GRIK4: variants seen among roughly 807,000 people sequenced by gnomAD.
The protein encoded by GRIK4 is glutamate ionotropic receptor kainate type subunit 4.
GRIK4 carries 40 observed loss-of-function variants against 104.9 expected under a neutral mutation model. The observed-to-expected ratio is 0.38, with a 90% CI of 0.30 to 0.50. The LOEUF (loss-of-function observed/expected upper bound fraction) is 0.50, where lower values mean the gene tolerates loss of function less well. Ranked by LOEUF, GRIK4 falls within the 20% of genes least tolerant of loss-of-function variation. The pLI is 0.93. For missense variants in GRIK4, 1,047 were observed against 1,308.1 expected, an observed-to-expected ratio of 0.80 and a Z score of 3.08; for synonymous variants, 485 against 524.9, an observed-to-expected ratio of 0.92 and a Z score of 1.04.
chr11:120,898,317 T>G (rs1942639471), intron 11 of GRIK4, among the ~76,000 whole-genome samples: 1 of 150,342 alleles, frequency 6.7e-6, no homozygotes, highest in Non-Finnish European at 1.5e-5. Flanking sequence ...CCCCCACATC[T>G]TTATTCCTTT....
At chr11:120,683,877 C>T (rs111790417) in intron 3 of GRIK4, among the ~76,000 whole-genome samples, 30 of 152,366 alleles carry the variant, frequency 2.0e-4, no homozygotes, top group African/African-American at 7.2e-4. Context: ...AAAGTCAGCA[C>T]AAGCTCTGGA....
chr11:120,676,133 C>G (rs115094206), intron 3 of GRIK4, among the ~76,000 whole-genome samples: 2,257 of 152,234 alleles, frequency 0.015, 66 homozygotes, highest in African/African-American at 0.051. Flanking sequence ...CTTCTAGAGG[C>G]CGCTGCATCC....
intron 3 of GRIK4, among the ~76,000 whole-genome samples, chr11:120,790,325 G>A (rs954410398): frequency 2.6e-5 from 4 of 152,172 alleles, no homozygotes; most frequent in Non-Finnish European, 5.9e-5. Context: ...GAAAGCAAAC[G>A]ATTAAGTACT....
At chr11:120,921,252 T>C (rs1427769292) in intron 13 of GRIK4, among the ~76,000 whole-genome samples, 2 of 152,216 alleles carry the variant, frequency 1.3e-5, no homozygotes, top group Non-Finnish European at 2.9e-5. Context: ...CACTAGAATG[T>C]AAGTTTCCTG....
chr11:120,685,073 A>G lies in GRIK4; in HGVS notation c.82+24673A>G, dbSNP rs115157272. Among the ~76,000 whole-genome samples, 707 of 152,312 alleles carry G rather than the reference A, an allele frequency of 4.6e-3. 8 individuals are homozygous for G. The highest frequency in any genetic ancestry group is 0.016 in the African/African-American group (666 of 41,570). On this transcript the variant is annotated intron_variant, in intron 3 of 20. Transcript: ENST00000527524. ...CTCTGAGTCAGTACTTCTGTGGAAG[A>G]TGACATTTAGATCTGCTGCCATCTG... is the stretch of plus-strand genomic sequence containing the variant.
intron 3 of GRIK4, among the ~76,000 whole-genome samples, chr11:120,764,923 G>C (rs373461716): frequency 6.6e-6 from 1 of 151,958 alleles, no homozygotes; most frequent in Non-Finnish European, 1.5e-5. Context: ...TAAATCTGAC[G>C]ATTATGTGTC....
At chr11:120,922,466 G>C (rs1388702175) in intron 13 of GRIK4, among the ~76,000 whole-genome samples, 2 of 152,146 alleles carry the variant, frequency 1.3e-5, no homozygotes, top group Non-Finnish European at 2.9e-5. Flanking sequence ...CCTGTGAATA[G>C]ATAGTCCTGC....
chr11:120,878,895 T>C (rs2135697770), intron 11 of GRIK4, among the ~76,000 whole-genome samples: 1 of 152,306 alleles, frequency 6.6e-6, no homozygotes, highest in Non-Finnish European at 1.5e-5. Flanking sequence ...TGCGCAAATA[T>C]TCTCCCAATT....
At chr11:120,810,062 C>A (rs1174940824) in intron 4 of GRIK4, among the ~76,000 whole-genome samples, 1 of 152,188 alleles carries the variant, frequency 6.6e-6, no homozygotes, top group Non-Finnish European at 1.5e-5. Flanking sequence ...GAGACACTGT[C>A]TCAAAACAAA....
chr11:120,711,002 A>AG (rs1168448375), intron 3 of GRIK4, among the ~76,000 whole-genome samples: 2 of 133,742 alleles, frequency 1.5e-5, no homozygotes, highest in African/African-American at 6.1e-5. Context: ...TGAGGTGGGG[A>AG]GGGGGTGTGA....
intron 1 of GRIK4, among the ~76,000 whole-genome samples, chr11:120,550,917 A>C (rs1299939967): frequency 6.6e-6 from 1 of 152,064 alleles, no homozygotes; most frequent in Non-Finnish European, 1.5e-5. Flanking sequence ...TGCAGGGCTG[A>C]GTGGGGTCTT....
chr11:120,763,525 T>C (rs559339945), intron 3 of GRIK4, among the ~76,000 whole-genome samples: 22 of 152,310 alleles, frequency 1.4e-4, no homozygotes, highest in Admixed American at 2.6e-4. Flanking sequence ...GTTCTTTTAA[T>C]TGTGATGTTA....
chr11:120,890,177 C>T (rs1217755548), intron 11 of GRIK4, among the ~76,000 whole-genome samples: 10 of 152,260 alleles, frequency 6.6e-5, no homozygotes, highest in South Asian at 2.1e-4. Flanking sequence ...AAGGCCATCA[C>T]GTACATTATC....
chr11:120,860,567 G>A (rs1413430557), intron 8 of GRIK4, among the ~76,000 whole-genome samples: 1 of 152,158 alleles, frequency 6.6e-6, no homozygotes, highest in Non-Finnish European at 1.5e-5. Flanking sequence ...CTCACCCCAA[G>A]TCCCATCCCC....
At chr11:120,700,710 G>C (rs901724792) in intron 3 of GRIK4, among the ~76,000 whole-genome samples, 122 of 152,154 alleles carry the variant, frequency 8.0e-4, no homozygotes, top group African/African-American at 2.8e-3. Flanking sequence ...GCCCACTTTG[G>C]CCTCCTAAAG....
At chr11:120,958,177 A>G (rs1220371766) in intron 16 of GRIK4, among the ~76,000 whole-genome samples, 2 of 152,246 alleles carry the variant, frequency 1.3e-5, no homozygotes, top group African/African-American at 4.8e-5. Context: ...CTGCTCCCAC[A>G]GATGGATGCA....
intron 3 of GRIK4, among the ~76,000 whole-genome samples, chr11:120,739,703 T>C (rs562709835): frequency 5.5e-4 from 84 of 152,368 alleles, no homozygotes; most frequent in South Asian, 3.5e-3. Flanking sequence ...CGGGGCACTT[T>C]GGAGTCCCAA....
intron 3 of GRIK4, among the ~76,000 whole-genome samples, chr11:120,709,483 C>T (rs563392189): frequency 6.6e-6 from 1 of 152,160 alleles, no homozygotes; most frequent in African/African-American, 2.4e-5. Context: ...TTATCTTCTA[C>T]TGCAGTTTTG....
At position 120,934,223 on chromosome 11, in the gene GRIK4, AAAAAAAAAGGTCAGCGTCATGG is replaced by A. The variant is rs1397115857; in HGVS notation, c.1477-6123_1477-6102del. Among the ~76,000 whole-genome samples the A allele has an allele frequency of 5.1e-4, 66 of 128,324 alleles. 1 individual carries two copies. Among genetic ancestry groups the A allele is most frequent in the African/African-American group, 1.7e-3 (64 of 37,542 alleles). The allele number at this position is 128,324 out of a possible 152,430, so 84.2% of individuals were successfully genotyped here. A position where few individuals can be genotyped will look rare whatever the true frequency, so the allele number is the denominator to read the frequency against. ...CCGTCTCAAAAAAAAAAAAAAAAAA[AAAAAAAAAGGTCAGCGTCATGG>A]TGCTAGGGCACTGCTGAGTGGGAGG... is the stretch of plus-strand genomic sequence containing the variant. On this transcript the variant is annotated intron_variant, in intron 13 of 20. Transcript: ENST00000527524.
Sources: gnomAD v4.1 joint callset for allele counts (sites outside exome capture counted in the v4.1 genomes callset) on GRCh38, gnomAD v4.1.1 for gene constraint, MANE v1.5 for transcripts, NCBI Gene and HGNC (gene_info 2026-07-23, HGNC 2026-07-21) for gene names.